CNBD1: variants seen among roughly 807,000 people sequenced by gnomAD.
The protein encoded by CNBD1 is cyclic nucleotide-binding domain-containing protein 1.
A neutral mutation model predicts 54.4 loss-of-function variants in CNBD1; 71 were observed. That is an observed-to-expected ratio of 1.30 (90% CI 1.08 to 1.59). The LOEUF is 1.59. Ranked by LOEUF, CNBD1 falls within the 40% of genes most tolerant of loss-of-function variation. The pLI, the probability that CNBD1 is intolerant of heterozygous loss-of-function variation, is 0.00. For synonymous variants in CNBD1, 182 were observed against 170.7 expected, an observed-to-expected ratio of 1.07 and a Z score of -0.51; for missense variants, 659 against 518.0, an observed-to-expected ratio of 1.27 and a Z score of -2.64.
At chr8:87,260,883 G>C (rs1289304483) in intron 6 of CNBD1, among the ~76,000 whole-genome samples, 1 of 151,812 alleles carries the variant, frequency 6.6e-6, no homozygotes, top group Non-Finnish European at 1.5e-5. Context: ...AAAAATTGAG[G>C]ATCCCATTTT....
rs576222421 is a variant in CNBD1 at position 87,026,398 on chromosome 8, T to G, written c.431+86644T>G. ...CTCCCTTCTTCCCTTTCTTTCCTAT[T>G]GCTAAGAATACAAAGAACCCCTGCT... is the stretch of plus-strand genomic sequence containing the variant. On this transcript the variant is annotated intron_variant, in intron 4 of 10. Coordinates refer to ENST00000518476, the MANE Select transcript of CNBD1 (RefSeq NM_173538.3). Among the ~76,000 whole-genome samples, 11 of 151,500 alleles carry G rather than the reference T, an allele frequency of 7.3e-5. No homozygotes were observed. In the South Asian group the frequency reaches 1.7e-3, roughly 23 times the overall value.
At chr8:87,124,478 G>C (rs367547948) in intron 4 of CNBD1, among the ~76,000 whole-genome samples, 43 of 151,648 alleles carry the variant, frequency 2.8e-4, no homozygotes, top group South Asian at 1.5e-3. Flanking sequence ...TTTGTCATTG[G>C]AATACAAAGA....
intron 10 of CNBD1, among the ~76,000 whole-genome samples, chr8:87,380,177 CTAA>C (rs1811045702): frequency 2.0e-5 from 3 of 151,908 alleles, no homozygotes; most frequent in Non-Finnish European, 2.9e-5. Flanking sequence ...ATAATTTGTG[CTAA>C]TATTTGAATA....
chr8:87,288,897 G>C (rs1420053969), intron 8 of CNBD1, among the ~76,000 whole-genome samples: 2 of 152,058 alleles, frequency 1.3e-5, no homozygotes, highest in Non-Finnish European at 2.9e-5. Context: ...AGTTCTGAAA[G>C]ACTGTAGTTT....
chr8:87,343,543 G>A lies in CNBD1; in HGVS notation c.1043-8142G>A, dbSNP rs552888029. On this transcript the variant is annotated intron_variant, in intron 8 of 10. Coordinates refer to ENST00000518476, the MANE Select transcript of CNBD1 (RefSeq NM_173538.3). ...CAACAAAAAACAGATTATAAAACAT[G>A]TAACTTATAACTATACTCTTGTCAA... 6.6e-5 allele frequency among the ~76,000 whole-genome samples: 10 copies of A among 152,282 alleles called. No homozygotes were observed. In the South Asian group the frequency reaches 1.9e-3, roughly 28 times the overall value.
At chr8:87,290,177 T>A in intron 8 of CNBD1, among the ~76,000 whole-genome samples, 1 of 152,016 alleles carries the variant, frequency 6.6e-6, no homozygotes, top group Non-Finnish European at 1.5e-5. Context: ...ATTATACATA[T>A]TGCATCTACA....
intron 4 of CNBD1, among the ~76,000 whole-genome samples, chr8:87,165,408 T>C (rs759424442): frequency 9.9e-5 from 15 of 151,966 alleles, no homozygotes; most frequent in African/African-American, 1.4e-4. Context: ...CAGTTGTTAA[T>C]ATTTGCTTTA....
intron 4 of CNBD1, among the ~76,000 whole-genome samples, chr8:87,051,467 GA>G (rs1340543489): frequency 1.3e-5 from 2 of 152,186 alleles, no homozygotes; most frequent in Non-Finnish European, 2.9e-5. Context: ...TGTGGAGTGG[GA>G]AATCAGGGGT....
chr8:87,022,462 G>T (rs1352690696), intron 4 of CNBD1, among the ~76,000 whole-genome samples: 2 of 152,106 alleles, frequency 1.3e-5, no homozygotes, highest in African/African-American at 2.4e-5. Flanking sequence ...AAATGGGAAG[G>T]TTATATTTTT....
chr8:87,075,144 C>A (rs1649790793), intron 4 of CNBD1, among the ~76,000 whole-genome samples: 1 of 152,150 alleles, frequency 6.6e-6, no homozygotes, highest in South Asian at 2.1e-4. Flanking sequence ...AAGTTAATCA[C>A]TCATTTAAAA....
intron 4 of CNBD1, among the ~76,000 whole-genome samples, chr8:87,186,766 G>A (rs781085525): frequency 2.6e-5 from 4 of 151,876 alleles, no homozygotes; most frequent in Non-Finnish European, 4.4e-5. Context: ...TATAGTGTAA[G>A]TAATTTTTTA....
chr8:86,953,098 C>G (rs1807668168), intron 4 of CNBD1, among the ~76,000 whole-genome samples: 1 of 152,174 alleles, frequency 6.6e-6, no homozygotes, highest in South Asian at 2.1e-4. Flanking sequence ...TAGCAATCCA[C>G]TGTATGAATA....
chr8:87,139,693 A>G (rs1812333015), intron 4 of CNBD1, among the ~76,000 whole-genome samples: 1 of 152,122 alleles, frequency 6.6e-6, no homozygotes, highest in South Asian at 2.1e-4. Context: ...TGATAGCACA[A>G]CCAAGCCGAA....
intron 2 of CNBD1, among the ~76,000 whole-genome samples, chr8:87,415,567 G>A (rs1390796962): frequency 6.6e-6 from 1 of 151,960 alleles, no homozygotes; most frequent in Non-Finnish European, 1.5e-5. Context: ...GTTGAACAAG[G>A]CATGTTGAAT....
intron 6 of CNBD1, among the ~76,000 whole-genome samples, chr8:87,247,462 GT>G: frequency 6.6e-6 from 1 of 152,258 alleles, no homozygotes; most frequent in South Asian, 2.1e-4. Flanking sequence ...CATAATTCCA[GT>G]TTGGCTTTGA....
chr8:87,335,182 T>G (rs2130913804), intron 8 of CNBD1, among the ~76,000 whole-genome samples: 1 of 152,182 alleles, frequency 6.6e-6, no homozygotes, highest in East Asian at 1.9e-4. Context: ...TATATTCTGT[T>G]CTTTTGTGAT....
intron 8 of CNBD1, among the ~76,000 whole-genome samples, chr8:87,296,420 T>A (rs1357740339): frequency 7.9e-5 from 12 of 151,936 alleles, no homozygotes; most frequent in Admixed American, 7.9e-4. Context: ...GAAGTGAAAA[T>A]AGAAAAGAGG....
chr8:87,135,582 T>C (rs1301913784), intron 4 of CNBD1, among the ~76,000 whole-genome samples: 2 of 148,396 alleles, frequency 1.3e-5, no homozygotes, highest in East Asian at 1.9e-4. Flanking sequence ...ATGTATAATA[T>C]ATATGCTATA....
At chr8:86,969,867 A>G (rs1198774068) in intron 4 of CNBD1, among the ~76,000 whole-genome samples, 2 of 151,624 alleles carry the variant, frequency 1.3e-5, no homozygotes, top group Non-Finnish European at 2.9e-5. Context: ...CCTAAAATCA[A>G]TATCACTAGT....
Sources: gnomAD v4.1 joint callset for allele counts (sites outside exome capture counted in the v4.1 genomes callset) on GRCh38, gnomAD v4.1.1 for gene constraint, MANE v1.5 for transcripts, NCBI Gene and HGNC (gene_info 2026-07-23, HGNC 2026-07-21) for gene names.